LRRIQ3: variants seen among roughly 807,000 people sequenced by gnomAD.
The protein encoded by LRRIQ3 is leucine rich repeats and IQ motif containing 3.
A neutral mutation model predicts 59.3 loss-of-function variants in LRRIQ3; 75 were observed. The ratio of observed to expected loss-of-function variants is 1.26; its 90% CI spans 1.05 to 1.53. The LOEUF (loss-of-function observed/expected upper bound fraction) is 1.53. Ranked by LOEUF, LRRIQ3 falls within the 40% of genes most tolerant of loss-of-function variation. The pLI, the probability that LRRIQ3 is intolerant of heterozygous loss-of-function variation, is 0.00. For synonymous variants in LRRIQ3, 250 were observed against 231.3 expected (o/e 1.08, Z -0.73); for missense variants, 831 against 710.0 (o/e 1.17, Z -1.94).
chr1:74,116,205 A>C (rs746167213), intron 4 of LRRIQ3, among the ~76,000 whole-genome samples: 13 of 152,024 alleles, frequency 8.6e-5, no homozygotes, highest in Admixed American at 2.0e-4. Context: ...ATACCAAAAG[A>C]ATAAAAAATA....
chr1:74,102,885 A>T (rs924422888), intron 5 of LRRIQ3, among the ~76,000 whole-genome samples: 3 of 151,966 alleles, frequency 2.0e-5, no homozygotes, highest in Non-Finnish European at 4.4e-5. Context: ...TTATCCACAT[A>T]TATGGAGCTA....
intron 3 of LRRIQ3, among the ~76,000 whole-genome samples, chr1:74,173,948 C>T (rs1649483094): frequency 6.6e-6 from 1 of 151,496 alleles, no homozygotes; most frequent in African/African-American, 2.4e-5. Flanking sequence ...CTGAATATAC[C>T]ATCTCATTTT....
intron 6 of LRRIQ3, among the ~76,000 whole-genome samples, chr1:74,063,224 T>C (rs1654778819): frequency 6.6e-6 from 1 of 152,102 alleles, no homozygotes; most frequent in South Asian, 2.1e-4. Context: ...TCTTCTATCA[T>C]TTCTAATGTA....
chr1:74,119,221 C>G (rs1490105521), intron 4 of LRRIQ3, among the ~76,000 whole-genome samples: 1 of 151,826 alleles, frequency 6.6e-6, no homozygotes, highest in Non-Finnish European at 1.5e-5. Flanking sequence ...GAACTATTAT[C>G]CCACTTTAAA....
chr1:74,146,553 A>G (rs1257860994), intron 4 of LRRIQ3, among the ~76,000 whole-genome samples: 1 of 152,218 alleles, frequency 6.6e-6, no homozygotes, highest in African/African-American at 2.4e-5. Flanking sequence ...ATTTGTATAT[A>G]ATTTCATAAC....
At chr1:74,083,213 T>C (rs1023221689) in intron 5 of LRRIQ3, 5 of 151,692 alleles carry the variant, frequency 3.3e-5, no homozygotes, top group Non-Finnish European at 7.4e-5. Flanking sequence ...TTCTACAGCC[T>C]CAGTACAAAT....
At chr1:74,102,885 A>G (rs924422888) in intron 5 of LRRIQ3, among the ~76,000 whole-genome samples, 1 of 152,084 alleles carries the variant, frequency 6.6e-6, no homozygotes, top group South Asian at 2.1e-4. Context: ...TTATCCACAT[A>G]TATGGAGCTA....
At chr1:74,027,023 T>C (rs1194606079) in intron 7 of LRRIQ3, 54 bp from the exon 8 acceptor site, 7 of 1,212,364 alleles carry the variant, frequency 5.8e-6, no homozygotes, top group Non-Finnish European at 3.5e-6. Flanking sequence ...ACTGAAACCA[T>C]GGCAATCTAT....
At chr1:74,088,810 A>G (rs1457124067) in intron 5 of LRRIQ3, among the ~76,000 whole-genome samples, 1 of 152,024 alleles carries the variant, frequency 6.6e-6, no homozygotes, top group Non-Finnish European at 1.5e-5. Flanking sequence ...AGAAAAAAAT[A>G]TAAATGTAAG....
At chr1:74,118,117 C>T (rs989810766) in intron 4 of LRRIQ3, among the ~76,000 whole-genome samples, 1 of 151,936 alleles carries the variant, frequency 6.6e-6, no homozygotes, top group Non-Finnish European at 1.5e-5. Flanking sequence ...GCATAACATA[C>T]CCTTTTTTGT....
In LRRIQ3 at chr1:74,109,528, G is replaced by GTTTT; in HGVS notation, c.729_732dup (p.Gln245LysfsTer8). The GTTTT allele has an allele frequency of 1.6e-6, 2 of 1,288,212 alleles. No individual in the cohort carries two copies. The highest frequency in any genetic ancestry group is 2.1e-6 in the Non-Finnish European group (2 of 950,404). The allele number at this position is 1,288,212 out of a possible 1,614,324, so 79.8% of individuals were successfully genotyped here. A position where few individuals can be genotyped will look rare whatever the true frequency, so the allele number is the denominator to read the frequency against. On this transcript the variant is annotated frameshift_variant, in exon 5 of 8. Transcript: ENST00000354431. LOFTEE classifies it high-confidence loss of function. ...TATCCTCTAATAATTTTTTCCTGCT[G>GTTTT]TTTTTTTTTGTGGAAAAACACAGGG...
At chr1:74,028,912 T>C (rs540389892) in intron 7 of LRRIQ3, among the ~76,000 whole-genome samples, 2 of 152,118 alleles carry the variant, frequency 1.3e-5, no homozygotes, top group African/African-American at 2.4e-5. Flanking sequence ...GTAGAAATCA[T>C]AGCAAAGGAA....
At chr1:74,177,596 GAT>G (rs1462316959) in intron 3 of LRRIQ3, among the ~76,000 whole-genome samples, 2 of 151,792 alleles carry the variant, frequency 1.3e-5, no homozygotes, top group African/African-American at 4.8e-5. Flanking sequence ...TTAGTCTCCT[GAT>G]GTTTGTTTTG....
intron 1 of LRRIQ3, among the ~76,000 whole-genome samples, chr1:74,185,876 G>A (rs1650336459): frequency 6.6e-6 from 1 of 151,678 alleles, no homozygotes; most frequent in South Asian, 2.1e-4. Context: ...CCAGGAGCGT[G>A]CACTCCAGCC....
intron 4 of LRRIQ3, among the ~76,000 whole-genome samples, chr1:74,129,497 G>A (rs543394092): frequency 6.6e-6 from 1 of 152,074 alleles, no homozygotes; most frequent in South Asian, 2.1e-4. Flanking sequence ...GCTCCCCTCT[G>A]GACCAGAGAG....
intron 4 of LRRIQ3, among the ~76,000 whole-genome samples, chr1:74,153,087 T>C (rs1303403704): frequency 6.6e-6 from 1 of 152,154 alleles, no homozygotes; most frequent in Non-Finnish European, 1.5e-5. Context: ...GTTTCCTATA[T>C]TTTTTCCATT....
At chr1:74,167,636 T>G (rs191695701) in intron 3 of LRRIQ3, among the ~76,000 whole-genome samples, 55 of 151,828 alleles carry the variant, frequency 3.6e-4, no homozygotes, top group African/African-American at 1.3e-3. Context: ...GGGTGAGAGA[T>G]AAAAGACTGC....
intron 5 of LRRIQ3, among the ~76,000 whole-genome samples, chr1:74,104,759 A>G (rs562620120): frequency 1.3e-5 from 2 of 152,054 alleles, no homozygotes; most frequent in Non-Finnish European, 2.9e-5. Context: ...ACAATTATAC[A>G]TTTGACAAAA....
At chr1:74,061,112 A>T (rs111852625) in intron 6 of LRRIQ3, among the ~76,000 whole-genome samples, 9 of 152,272 alleles carry the variant, frequency 5.9e-5, no homozygotes, top group African/African-American at 2.2e-4. Flanking sequence ...AATGTACAAA[A>T]GTAATAACAT....
Sources: allele counts gnomAD v4.1 joint callset (sites outside exome capture counted in the v4.1 genomes callset), GRCh38; gene constraint gnomAD v4.1.1; transcripts MANE v1.5; gene names NCBI Gene and HGNC (gene_info 2026-07-23, HGNC 2026-07-21).